The following ELF3 variants were observed in gnomAD, a reference collection of about 807,000 sequenced individuals.
The protein encoded by ELF3 is E74 like ETS transcription factor 3.
In ELF3, 18 loss-of-function variants were observed where a neutral mutation model predicts 43.9. The observed-to-expected ratio is 0.41, with a 90% CI of 0.28 to 0.61. The LOEUF is 0.61. Ranked by LOEUF, ELF3 falls within the 20% of genes least tolerant of loss-of-function variation. The probability of loss-of-function intolerance (pLI) is 0.30; values close to 1 mark genes in which losing one functional copy is unlikely to be tolerated. For synonymous variants in ELF3, 181 were observed against 190.2 expected, an observed-to-expected ratio of 0.95 and a Z score of 0.40; for missense variants, 373 against 487.7, an observed-to-expected ratio of 0.76 and a Z score of 2.21.
rs10920305 is a variant in ELF3, at chr1:202,016,909, T to C, written c.*1586T>C. On this transcript the variant is annotated 3_prime_UTR_variant, in exon 9 of 9. Transcript: ENST00000367284. ...CCTAAAACCGTTTCCCGGAAGCTTT[T>C]CCTGGTGTGGGCGCTTCTAACCTAA... The C allele has an allele frequency of 0.13, 20,508 of 152,188 alleles. 2,241 individuals carry two copies. Among genetic ancestry groups the C allele is most frequent in the African/African-American group, 0.3 (12,422 of 41,472 alleles). The allele number at this position is 152,188 out of a possible 1,614,324, so 9.4% of individuals were successfully genotyped here.
In ELF3 at chr1:202,016,476, C is replaced by G. The variant is rs1684311080; in HGVS notation, c.*1153C>G. 1 of 150,432 alleles carries G rather than the reference C, an allele frequency of 6.6e-6. No individual in the cohort carries two copies. The highest frequency in any genetic ancestry group is 2.1e-4 in the South Asian group (1 of 4,764). 9.3% of individuals were successfully genotyped at this position (150,432 alleles called of 1,614,324 possible). A position where few individuals can be genotyped will look rare whatever the true frequency, so the allele number is the denominator to read the frequency against. On this transcript the variant is annotated 3_prime_UTR_variant, in exon 9 of 9. Transcript: ENST00000367284. ...AAACTGTATATCTGTAATATGAATC[C>G]CAGCTTTTGAGTCTGACAAAATCAG...
chr1:202,012,314 G>T lies in ELF3; in HGVS notation c.386-30G>T. 1 of 1,612,858 alleles carries T rather than the reference G, an allele frequency of 6.2e-7. No individual in the cohort carries two copies. The highest frequency in any genetic ancestry group is 1.1e-5 in the South Asian group (1 of 90,924). ...AGAGCCCTTGAGGGAGGGATTAGGGGAGTGTGACCCTTCCTTCCTTCCTTG... is the reference window on the plus strand; with the variant it reads ...AGAGCCCTTGAGGGAGGGATTAGGGTAGTGTGACCCTTCCTTCCTTCCTTG... On this transcript the variant is annotated intron_variant, in intron 3 of 8. Coordinates refer to ENST00000367284, the MANE Select transcript of ELF3 (RefSeq NM_004433.5). The surrounding 1 kb of genome is among the most constrained non-coding windows in gnomAD (Gnocchi z 4.2).
In ELF3 at chr1:202,012,792, C is replaced by T. The variant is rs1191181966; in HGVS notation, c.598+33C>T. 9.1e-6 allele frequency: 14 copies of T among 1,537,908 alleles called. No individual in the cohort carries two copies. The highest frequency in any genetic ancestry group is 1.2e-5 in the Non-Finnish European group (14 of 1,143,014). The stretch of plus-strand genomic sequence containing the variant: ...CTCTCTCTGGGCCACAACCTCCCTT[C>T]CCCGAAGTGTCCCTTGTTCCCTCTG... On this transcript the variant is annotated intron_variant, in intron 5 of 8. Transcript: ENST00000367284. This position sits in a 1 kb window ranked among gnomAD's most constrained non-coding sequence, Gnocchi z 4.2.
At position 202,013,333 on chromosome 1, in the gene ELF3, C is replaced by T. The variant is rs192768026; in HGVS notation, c.805+35C>T. On this transcript the variant is annotated intron_variant, in intron 7 of 8. Coordinates refer to ENST00000367284, the MANE Select transcript of ELF3 (RefSeq NM_004433.5). This position sits in a 1 kb window ranked among gnomAD's most constrained non-coding sequence, Gnocchi z 5.7. ...GGGGGCACGTGGGTCCTCCCTGCGCCGGGCTGAGCGGCTTCCTGGGGCACT... is the reference window on the plus strand; with the variant it reads ...GGGGGCACGTGGGTCCTCCCTGCGCTGGGCTGAGCGGCTTCCTGGGGCACT... The T allele has an allele frequency of 4.8e-5, 77 of 1,595,532 alleles. No homozygotes were observed. Among genetic ancestry groups the T allele is most frequent in the African/African-American group, 4.7e-4 (35 of 74,558 alleles).
rs1000353414 is a variant in ELF3 at position 202,013,450 on chromosome 1, C to G, written c.805+152C>G. 3.8e-6 allele frequency: 3 copies of G among 783,848 alleles called. No individual in the cohort carries two copies. The highest frequency in any genetic ancestry group is 3.6e-5 in the South Asian group (2 of 56,264). The allele number at this position is 783,848 out of a possible 1,614,324, so 48.6% of individuals were successfully genotyped here. Reference sequence around the variant, plus strand: ...GCACAAGCTGGGGGCTCTATGGTATCGGTCACCACCTAATTGCAGAGCCTG... The same window carrying G: ...GCACAAGCTGGGGGCTCTATGGTATGGGTCACCACCTAATTGCAGAGCCTG... On this transcript the variant is annotated intron_variant, in intron 7 of 8. Transcript: ENST00000367284. This position sits in a 1 kb window ranked among gnomAD's most constrained non-coding sequence, Gnocchi z 5.7.
In ELF3 at chr1:202,013,020, C is replaced by T. The variant is rs778952302; in HGVS notation, c.672C>T (p.Gly224=). 7 of 1,613,658 alleles carry T rather than the reference C, an allele frequency of 4.3e-6. No homozygotes were observed. The highest frequency in any genetic ancestry group is 5.9e-6 in the Non-Finnish European group (7 of 1,179,748). ...ACGTGGACCTGGATCCCACTGATGG[C>T]AAGCTCTTCCCCAGCGGTGAGTCGA... ...GSDVDLDPTD[G]KLFPSDGFRD... is the part of the protein sequence containing the mutation. The change falls in exon 6 of 9, where the codon GGC becomes GGT. Residue 224 remains glycine, a synonymous_variant. Transcript: ENST00000367284. This position sits in a 1 kb window ranked among gnomAD's most constrained non-coding sequence, Gnocchi z 5.7.
In ELF3 at chr1:202,013,686, C is replaced by T. The variant is rs750012751; in HGVS notation, c.806-143C>T. On this transcript the variant is annotated intron_variant, in intron 7 of 8. Transcript: ENST00000367284. The surrounding 1 kb of genome is among the most constrained non-coding windows in gnomAD (Gnocchi z 5.7). ...GGAGAAAAGCAGTCACTGCAGTACC[C>T]GCACAGAGGGCACTGCGGGGTCTCT... 2.7e-5 allele frequency: 24 copies of T among 896,944 alleles called. No homozygotes were observed. Among genetic ancestry groups the T allele is most frequent in the East Asian group, 8.0e-5 (3 of 37,534 alleles). 55.6% of individuals were successfully genotyped at this position (896,944 alleles called of 1,614,324 possible). A position where few individuals can be genotyped will look rare whatever the true frequency, so the allele number is the denominator to read the frequency against.
chr1:202,015,231 C>A lies in ELF3; in HGVS notation c.1024C>A (p.Leu342Met). ...AMRYYYKREI[L>M]ERVDGRRLVY... ...CAGGTACTACTACAAACGGGAGATC[C>A]TGGAACGGGTGGATGGCCGGCGACT... The change falls in exon 9 of 9, where the codon CTG becomes ATG. Residue 342 changes from leucine (L) to methionine (M), a missense_variant. By Grantham distance (15) the Leu-to-Met change is conservative. Transcript: ENST00000367284. 1 of 1,614,074 alleles carries A rather than the reference C, an allele frequency of 6.2e-7. No homozygotes were observed. Among genetic ancestry groups the A allele is most frequent in the Middle Eastern group, 1.7e-4 (1 of 6,060 alleles).
chr1:202,017,078 A>G lies in ELF3; in HGVS notation c.*1755A>G, dbSNP rs1387579504. On this transcript the variant is annotated 3_prime_UTR_variant, in exon 9 of 9. Transcript: ENST00000367284. ...TTTGAGGCTTCAAATTCCATACAGC[A>G]CATTAAAATCCCATTCATGAGTTTG... 1.3e-5 allele frequency: 2 copies of G among 152,216 alleles called. No individual in the cohort carries two copies. The highest frequency in any genetic ancestry group is 2.9e-5 in the Non-Finnish European group (2 of 68,044). The allele number at this position is 152,216 out of a possible 1,614,324, so 9.4% of individuals were successfully genotyped here. A position where few individuals can be genotyped will look rare whatever the true frequency, so the allele number is the denominator to read the frequency against.
At position 202,012,087 on chromosome 1, in the gene ELF3, T is replaced by G; in HGVS notation, c.294T>G (p.Asp98Glu). The change falls in exon 3 of 9, where the codon GAT (aspartate) becomes GAG (glutamate). Residue 98 changes from aspartate to glutamate, a missense_variant. By Grantham distance (45) the Asp-to-Glu change is conservative (BLOSUM62 2). Transcript: ENST00000367284. This position sits in a 1 kb window ranked among gnomAD's most constrained non-coding sequence, Gnocchi z 4.2. ...TTGACTTCTCACGATGTGACATGGA[T>G]GGCGCCACCCTCTGCAATTGTGCCC... ...SAIDFSRCDM[D>E]GATLCNCALE... 1 of 1,614,210 alleles carries G rather than the reference T, an allele frequency of 6.2e-7. No individual in the cohort carries two copies. The highest frequency in any genetic ancestry group is 8.5e-7 in the Non-Finnish European group (1 of 1,180,044).
At position 202,012,483 on chromosome 1, in the gene ELF3, C is replaced by T. The variant is rs749773522; in HGVS notation, c.478+47C>T. 2 of 1,605,238 alleles carry T rather than the reference C, an allele frequency of 1.2e-6. No individual in the cohort carries two copies. Among genetic ancestry groups the T allele is most frequent in the Non-Finnish European group, 1.7e-6 (2 of 1,175,374 alleles). On this transcript the variant is annotated intron_variant, in intron 4 of 8. Transcript: ENST00000367284. The surrounding 1 kb of genome is among the most constrained non-coding windows in gnomAD (Gnocchi z 4.2). ...CCTTCCCCAGCCTGTCTTGTCCCAT[C>T]CCTGCCCCTCCACAGAGTGCTAGAG... is the stretch of plus-strand genomic sequence containing the variant.
rs187802792 is a variant in ELF3, at chr1:202,011,389, A to G, written c.163+90A>G. Reference sequence around the variant, plus strand: ...ACAAATGGGGGAATAGGCAGGGAGGAGGGTCTCTAGGCAAATTCCAGGGCT... The same window carrying G: ...ACAAATGGGGGAATAGGCAGGGAGGGGGGTCTCTAGGCAAATTCCAGGGCT... On this transcript the variant is annotated intron_variant, in intron 2 of 8. Transcript: ENST00000367284. The G allele has an allele frequency of 4.6e-5, 66 of 1,448,892 alleles. No individual in the cohort carries two copies. The African/African-American group carries it at 8.7e-4, about 19-fold the overall frequency. 89.8% of individuals were successfully genotyped at this position (1,448,892 alleles called of 1,614,324 possible).
At position 202,012,638 on chromosome 1, in the gene ELF3, A is replaced by T. The variant is rs879040508; in HGVS notation, c.479-2A>T. On this transcript the variant is annotated splice_acceptor_variant, in intron 4 of 8. Coordinates refer to ENST00000367284, the MANE Select transcript of ELF3 (RefSeq NM_004433.5). LOFTEE classifies it high-confidence loss of function. This position sits in a 1 kb window ranked among gnomAD's most constrained non-coding sequence, Gnocchi z 4.2. Reference sequence around the variant, plus strand: ...CTCTGAGTTCTCACCTCCTCTTCCCAGACCAGGGCAGCCCCTTTGCCCAGG... The same window carrying T: ...CTCTGAGTTCTCACCTCCTCTTCCCTGACCAGGGCAGCCCCTTTGCCCAGG... The T allele has an allele frequency of 6.3e-7, 1 of 1,589,770 alleles. No homozygotes were observed.
intron 8 of ELF3, 155 bp from the exon 9 acceptor site, chr1:202,015,054 A>T (rs964935450): frequency 6.5e-5 from 42 of 648,312 alleles, no homozygotes; most frequent in Non-Finnish European, 1.1e-4. Flanking sequence ...TGTGAAGAAC[A>T]GAGGAGTTTA....
At position 202,012,937 on chromosome 1, in the gene ELF3, C is replaced by T. The variant is rs370206284; in HGVS notation, c.599-10C>T. 500 of 1,604,032 alleles carry T rather than the reference C, an allele frequency of 3.1e-4. No homozygotes were observed. The highest frequency in any genetic ancestry group is 4.0e-4 in the Non-Finnish European group (473 of 1,175,446). ...GCCGGCAGGGGACTTACTCTGACCC[C>T]GCCCCCCAGGGACTGGTGCTTCTCG... On this transcript the variant is annotated splice_polypyrimidine_tract_variant and intron_variant, in intron 5 of 8. Transcript: ENST00000367284. This position sits in a 1 kb window ranked among gnomAD's most constrained non-coding sequence, Gnocchi z 4.2.
At position 202,011,733 on chromosome 1, in the gene ELF3, C is replaced by T; in HGVS notation, c.164-224C>T. The T allele has an allele frequency of 3.5e-6, 2 of 565,148 alleles. 1 individual carries two copies. Among genetic ancestry groups the T allele is most frequent in the East Asian group, 6.0e-5 (2 of 33,506 alleles). 35.0% of individuals were successfully genotyped at this position (565,148 alleles called of 1,614,324 possible). A position where few individuals can be genotyped will look rare whatever the true frequency, so the allele number is the denominator to read the frequency against. ...CTAAAAATACAAAAAAAAATTTATCCCAGCGTGGTGGTGGGCACCTATAAT... is the reference window on the plus strand; with the variant it reads ...CTAAAAATACAAAAAAAAATTTATCTCAGCGTGGTGGTGGGCACCTATAAT... On this transcript the variant is annotated intron_variant, in intron 2 of 8. Transcript: ENST00000367284.
chr1:202,014,090 G>A (rs1370426180), intron 8 of ELF3, 66 bp downstream of exon 8: 50 of 1,496,702 alleles, frequency 3.3e-5, no homozygotes, highest in South Asian at 7.9e-5. Flanking sequence ...CACTCCCACC[G>A]CCCTCTTTCT....
chr1:202,011,616 A>G, intron 2 of ELF3: 1 of 461,088 alleles, frequency 2.2e-6, no homozygotes, highest in Non-Finnish European at 3.9e-6. Context: ...TCACGCCTGT[A>G]ATCCCAGCAC....
At position 202,012,596 on chromosome 1, in the gene ELF3, C is replaced by G. The variant is rs12087565; in HGVS notation, c.479-44C>G. 62 of 1,556,518 alleles carry G rather than the reference C, an allele frequency of 4.0e-5. 2 individuals carry two copies. In the South Asian group the frequency reaches 7.1e-4, roughly 18 times the overall value. Reference sequence around the variant, plus strand: ...CATGGGCAGCATCACCTGTCCTGGTCTGGTCCCCTGAGCCCTCTCTGAGTT... The same window carrying G: ...CATGGGCAGCATCACCTGTCCTGGTGTGGTCCCCTGAGCCCTCTCTGAGTT... On this transcript the variant is annotated intron_variant, in intron 4 of 8. Coordinates refer to ENST00000367284, the MANE Select transcript of ELF3 (RefSeq NM_004433.5). The surrounding 1 kb of genome is among the most constrained non-coding windows in gnomAD (Gnocchi z 4.2).
Sources: allele counts gnomAD v4.1 joint callset, GRCh38; gene constraint gnomAD v4.1.1; non-coding constraint Gnocchi (gnomAD v3.1); transcripts MANE v1.5; gene names NCBI Gene and HGNC (gene_info 2026-07-23, HGNC 2026-07-21).